ZBTB20: variants seen among roughly 807,000 people sequenced by gnomAD.
ZBTB20 encodes zinc finger and BTB domain containing 20, also known as zinc finger and BTB domain-containing protein 20.
ZBTB20 carries 9 observed loss-of-function variants against 56.9 expected under a neutral mutation model. The observed-to-expected ratio is 0.16, with a 90% CI of 0.10 to 0.28. ZBTB20 has a LOEUF of 0.28. Ranked by LOEUF, ZBTB20 falls within the 10% of genes least tolerant of loss-of-function variation. The probability of loss-of-function intolerance (pLI) is 1.00; values close to 1 mark genes in which losing one functional copy is unlikely to be tolerated. For synonymous variants in ZBTB20, 417 were observed against 420.7 expected, an observed-to-expected ratio of 0.99 and a Z score of 0.11; for missense variants, 655 against 1,003.0, an observed-to-expected ratio of 0.65 and a Z score of 4.69.
chr3:115,037,199 G>T (rs2080961285), intron 2 of ZBTB20, among the ~76,000 whole-genome samples: 1 of 152,118 alleles, frequency 6.6e-6, no homozygotes, highest in African/African-American at 2.4e-5. Flanking sequence ...AAGATCATGA[G>T]ATTAAGAAAA....
intron 10 of ZBTB20, chr3:114,359,305 G>C (rs889091605): frequency 6.6e-6 from 1 of 152,102 alleles, no homozygotes; most frequent in African/African-American, 2.4e-5. Flanking sequence ...TATACTTTGA[G>C]CATCTGATTC....
intron 6 of ZBTB20, among the ~76,000 whole-genome samples, chr3:114,522,954 A>G (rs1297052357): frequency 6.6e-6 from 1 of 152,150 alleles, no homozygotes; most frequent in African/African-American, 2.4e-5. Flanking sequence ...CCTGGACTAG[A>G]GATACAAGCT....
intron 4 of ZBTB20, among the ~76,000 whole-genome samples, chr3:114,839,465 A>AGAG (rs2074282559): frequency 6.7e-6 from 1 of 148,264 alleles, no homozygotes; most frequent in African/African-American, 2.5e-5. Flanking sequence ...GAAAGAAAGA[A>AGAG]AGAGAGAGAG....
intron 6 of ZBTB20, among the ~76,000 whole-genome samples, chr3:114,637,754 A>ATACAGTGG (rs2059352346): frequency 1.3e-5 from 2 of 152,268 alleles, no homozygotes; most frequent in South Asian, 4.1e-4. Flanking sequence ...GGAATTCACA[A>ATACAGTGG]TACAGTGGCC....
rs201233304 is a variant in ZBTB20, at chr3:114,372,859, TAAAAAG to T, written c.199+7352_199+7357del. 1.8e-3 allele frequency among the ~76,000 whole-genome samples: 262 copies of T among 147,582 alleles called. 7 individuals carry two copies. The East Asian group carries it at 0.048, about 27-fold the overall frequency. On this transcript the variant is annotated intron_variant, in intron 10 of 11. Transcript: ENST00000675478. Reference sequence around the variant, plus strand: ...ACCCTGTTTAAACAAAAAAGAAAAATAAAAAGAAAATTTATTTTGTGATTTACTGAT... The same window carrying T: ...ACCCTGTTTAAACAAAAAAGAAAAATAAAATTTATTTTGTGATTTACTGAT...
chr3:114,461,305 C>A (rs564415361), intron 7 of ZBTB20, among the ~76,000 whole-genome samples: 19 of 151,290 alleles, frequency 1.3e-4, no homozygotes, highest in East Asian at 3.9e-4. Flanking sequence ...CTCCCCCCCC[C>A]CTCTTTTTTT....
At chr3:115,079,498 C>A (rs911988374) in intron 1 of ZBTB20, among the ~76,000 whole-genome samples, 5 of 152,146 alleles carry the variant, frequency 3.3e-5, no homozygotes, top group African/African-American at 1.2e-4. Context: ...AAGCGATTCT[C>A]CTGCCTCAGC....
intron 7 of ZBTB20, among the ~76,000 whole-genome samples, chr3:114,487,893 T>C (rs144029568): frequency 1.1e-4 from 17 of 152,282 alleles, no homozygotes; most frequent in Non-Finnish European, 2.4e-4. Context: ...TATGAGAACA[T>C]CCAGAAATCT....
At chr3:114,728,332 T>C (rs1008446663) in intron 5 of ZBTB20, among the ~76,000 whole-genome samples, 6 of 152,194 alleles carry the variant, frequency 3.9e-5, no homozygotes, top group African/African-American at 1.4e-4. Flanking sequence ...AAAGTATTAA[T>C]AGTATACCCA....
chr3:115,090,510 A>G (rs1413004803), intron 1 of ZBTB20, among the ~76,000 whole-genome samples: 1 of 151,816 alleles, frequency 6.6e-6, no homozygotes, highest in Admixed American at 6.6e-5. Flanking sequence ...TTCAAAATCA[A>G]AATGGGAAAT....
chr3:114,966,882 G>T (rs1372729515), intron 3 of ZBTB20, among the ~76,000 whole-genome samples: 1 of 151,962 alleles, frequency 6.6e-6, no homozygotes, highest in Non-Finnish European at 1.5e-5. Flanking sequence ...CAAACATACT[G>T]GGAAAACATT....
rs112562438 is a variant in ZBTB20, at chr3:114,788,201, A to T, written c.-343+12900T>A. ...AGGTACATTTTTTTATTGTGGTAAA[A>T]TATATATTAAAAATTGACCATTTTA... On this transcript the variant is annotated intron_variant, in intron 5 of 11. Coordinates refer to ENST00000675478, the MANE Select transcript of ZBTB20 (RefSeq NM_001348800.3). Among the ~76,000 whole-genome samples the T allele has an allele frequency of 7.0e-3, 1,068 of 152,262 alleles. 18 individuals are homozygous for T. The highest frequency in any genetic ancestry group is 0.024 in the African/African-American group (1,000 of 41,564).
At chr3:114,846,603 CAAG>C in intron 4 of ZBTB20, among the ~76,000 whole-genome samples, 1 of 152,154 alleles carries the variant, frequency 6.6e-6, no homozygotes, top group Non-Finnish European at 1.5e-5. Flanking sequence ...AACTCAATGA[CAAG>C]AGGATATGGA....
intron 4 of ZBTB20, among the ~76,000 whole-genome samples, chr3:114,804,493 C>A (rs187551251): frequency 6.6e-6 from 1 of 151,950 alleles, no homozygotes; most frequent in African/African-American, 2.4e-5. Flanking sequence ...TTTGAGAGTT[C>A]ACTCATCTCT....
chr3:114,832,368 T>C (rs990937841), intron 4 of ZBTB20, among the ~76,000 whole-genome samples: 1 of 152,092 alleles, frequency 6.6e-6, no homozygotes, highest in Non-Finnish European at 1.5e-5. Context: ...TAGCTAATTT[T>C]ATTATGACTT....
At chr3:114,773,393 CA>C (rs1232964035) in intron 5 of ZBTB20, among the ~76,000 whole-genome samples, 2 of 152,108 alleles carry the variant, frequency 1.3e-5, no homozygotes, top group African/African-American at 2.4e-5. Context: ...AGTTTAAAAT[CA>C]TAGAGTAAAG....
chr3:115,045,397 C>T (rs1239272149), intron 2 of ZBTB20, among the ~76,000 whole-genome samples: 3 of 151,874 alleles, frequency 2.0e-5, no homozygotes. Context: ...CTAAAATAAG[C>T]ATACATCATT....
chr3:114,548,436 C>T (rs948758613), intron 6 of ZBTB20, among the ~76,000 whole-genome samples: 5 of 152,112 alleles, frequency 3.3e-5, no homozygotes, highest in African/African-American at 9.7e-5. Context: ...CTCAGAATTA[C>T]ATTCATCTAC....
rs114110987 is a variant in ZBTB20, at chr3:114,610,953, T to C, written c.-295+82575A>G. Among the ~76,000 whole-genome samples the C allele has an allele frequency of 8.6e-3, 1,315 of 152,250 alleles. 25 individuals are homozygous for C. The highest frequency in any genetic ancestry group is 0.029 in the African/African-American group (1,214 of 41,532). On this transcript the variant is annotated intron_variant, in intron 6 of 11. Coordinates refer to ENST00000675478, the MANE Select transcript of ZBTB20 (RefSeq NM_001348800.3). ...AATATATTAGTCAAATTTTTATCCT[T>C]CAAAAAATTTTGGAATTGTCCAAAG... is the stretch of plus-strand genomic sequence containing the variant.
Sources: allele counts gnomAD v4.1 joint callset (sites outside exome capture counted in the v4.1 genomes callset), GRCh38; gene constraint gnomAD v4.1.1; transcripts MANE v1.5; gene names NCBI Gene and HGNC (gene_info 2026-07-23, HGNC 2026-07-21).